Variants in NEBL observed in about 807,000 individuals in gnomAD.
NEBL encodes the protein nebulette, also known as LIM and SH3 protein 2.
A neutral mutation model predicts 140.2 loss-of-function variants in NEBL; 122 were observed. That is an observed-to-expected ratio of 0.87 (90% CI 0.75 to 1.01). NEBL has a LOEUF of 1.01. Among genes scored for constraint, NEBL ranks in the 50% least tolerant of loss-of-function variants. The pLI, the probability that NEBL is intolerant of heterozygous loss-of-function variation, is 0.00. For missense variants in NEBL, 1,365 were observed against 1,231.3 expected (o/e 1.11, Z -1.62); for synonymous variants, 436 against 398.9 (o/e 1.09, Z -1.11).
chr10:20,908,259 T>G (rs1848184624), intron 4 of NEBL, among the ~76,000 whole-genome samples: 1 of 152,254 alleles, frequency 6.6e-6, no homozygotes, highest in Non-Finnish European at 1.5e-5. Flanking sequence ...CCAAATCTGC[T>G]AGGCCATAGG....
chr10:21,191,835 G>A (rs11012570), intron 3 of NEBL, among the ~76,000 whole-genome samples: 16,078 of 152,108 alleles, frequency 0.11, 2,029 homozygotes, highest in African/African-American at 0.3. Flanking sequence ...TTCCCACAAA[G>A]CATTTGATGA....
chr10:21,023,131 A>G (rs930745483), intron 2 of NEBL, among the ~76,000 whole-genome samples: 1 of 152,284 alleles, frequency 6.6e-6, no homozygotes, highest in Non-Finnish European at 1.5e-5. Flanking sequence ...AAGCTATAGT[A>G]ACAACTGAGC....
intron 1 of NEBL, among the ~76,000 whole-genome samples, chr10:21,262,019 C>T (rs1842744527): frequency 6.6e-6 from 1 of 152,134 alleles, no homozygotes; most frequent in Admixed American, 6.5e-5. Context: ...AGCCAAAAGG[C>T]CCCTCTCTTT....
At chr10:20,953,346 G>A (rs1835597935) in intron 4 of NEBL, among the ~76,000 whole-genome samples, 1 of 152,098 alleles carries the variant, frequency 6.6e-6, no homozygotes, top group Non-Finnish European at 1.5e-5. Flanking sequence ...CTGCAAGAAG[G>A]CAAGTGTCTG....
At chr10:21,263,030 A>T (rs1842758762) in intron 1 of NEBL, among the ~76,000 whole-genome samples, 1 of 152,226 alleles carries the variant, frequency 6.6e-6, no homozygotes, top group South Asian at 2.1e-4. Context: ...ATACAGATGT[A>T]TTATCTACTT....
At chr10:21,165,627 A>G (rs974542819) in intron 2 of NEBL, among the ~76,000 whole-genome samples, 1 of 152,156 alleles carries the variant, frequency 6.6e-6, no homozygotes, top group Non-Finnish European at 1.5e-5. Context: ...GACGTGCCCA[A>G]TCTCGTCTAC....
At chr10:20,855,911 C>T (rs908738482) in intron 9 of NEBL, among the ~76,000 whole-genome samples, 4 of 152,132 alleles carry the variant, frequency 2.6e-5, no homozygotes, top group African/African-American at 9.7e-5. Flanking sequence ...CTTATTCAAT[C>T]TTTTAATTTA....
intron 4 of NEBL, among the ~76,000 whole-genome samples, chr10:20,881,530 A>C (rs1846015561): frequency 6.6e-6 from 1 of 152,222 alleles, no homozygotes; most frequent in Non-Finnish European, 1.5e-5. Context: ...AACCAAACTC[A>C]ACCACAAAGT....
intron 3 of NEBL, among the ~76,000 whole-genome samples, chr10:21,209,202 C>T (rs761864575): frequency 1.3e-5 from 2 of 152,130 alleles, no homozygotes; most frequent in East Asian, 1.9e-4. Context: ...CAAGTTTAGT[C>T]GCTTTTTAAA....
intron 3 of NEBL, among the ~76,000 whole-genome samples, chr10:21,000,815 T>C (rs555441117): frequency 1.3e-5 from 2 of 152,046 alleles, no homozygotes; most frequent in Admixed American, 6.5e-5. Context: ...GTCTAAGATA[T>C]GGAAGAAAGC....
In NEBL at chr10:20,826,404, G is replaced by T. The variant is rs554263529; in HGVS notation, c.1869+43C>A. The T allele has an allele frequency of 2.1e-4, 298 of 1,451,168 alleles. 1 individual carries two copies. Among genetic ancestry groups the T allele is most frequent in the Admixed American group, 6.5e-4 (39 of 59,706 alleles). The allele number at this position is 1,451,168 out of a possible 1,614,324, so 89.9% of individuals were successfully genotyped here. ...ACTAAAAACATTTGTCTATAGTTTT[G>T]GTTTGCTTTTAGAAAAGATAATTAA... On this transcript the variant is annotated intron_variant, in intron 18 of 27. Transcript: ENST00000377122.
At chr10:21,126,831 C>G (rs765669416) in intron 2 of NEBL, among the ~76,000 whole-genome samples, 26 of 151,696 alleles carry the variant, frequency 1.7e-4, no homozygotes, top group Non-Finnish European at 3.8e-4. Context: ...GAAAATTAGC[C>G]AGGTATGGTG....
chr10:21,129,947 G>T (rs1300116031), intron 2 of NEBL, among the ~76,000 whole-genome samples: 1 of 151,950 alleles, frequency 6.6e-6, no homozygotes, highest in East Asian at 1.9e-4. Flanking sequence ...CTGAAAGACA[G>T]AAATTTTCAG....
At chr10:20,875,718 TAGCCAGCCAGCCAGCC>T (rs575325601) in intron 5 of NEBL, among the ~76,000 whole-genome samples, 74 of 151,846 alleles carry the variant, frequency 4.9e-4, no homozygotes, top group African/African-American at 1.1e-3. Context: ...GCAGGAGTGA[TAGCCAGCCAGCCAGCC>T]AGCCAGCCAG....
chr10:20,840,230 T>C (rs891744521), intron 13 of NEBL, among the ~76,000 whole-genome samples: 8 of 152,126 alleles, frequency 5.3e-5, no homozygotes, highest in Admixed American at 3.9e-4. Flanking sequence ...AGTAATGACA[T>C]AATACAAGGA....
At chr10:21,177,133 C>T (rs1564537619), upstream of NEBL, among the ~76,000 whole-genome samples, 2 of 152,184 alleles carry the variant, frequency 1.3e-5, no homozygotes, top group Non-Finnish European at 1.5e-5. Context: ...GTGTGACTTC[C>T]TTCGGCCAAT....
At chr10:21,219,308 G>A (rs984448927) in intron 3 of NEBL, among the ~76,000 whole-genome samples, 1 of 152,226 alleles carries the variant, frequency 6.6e-6, no homozygotes, top group African/African-American at 2.4e-5. Context: ...AGTCAGGACT[G>A]ACTTAAAGCC....
intron 4 of NEBL, among the ~76,000 whole-genome samples, chr10:20,885,311 C>A (rs562083832): frequency 7.9e-5 from 12 of 152,110 alleles, no homozygotes; most frequent in Admixed American, 6.6e-5. Context: ...AATCGATGTA[C>A]GTAAATCTAA....
chr10:20,842,759 A>T (rs867471104), intron 12 of NEBL, among the ~76,000 whole-genome samples: 19 of 151,990 alleles, frequency 1.3e-4, no homozygotes, highest in Middle Eastern at 3.2e-3. Context: ...TACTCTTAGC[A>T]ATTTTGAAGT....
Sources: allele counts gnomAD v4.1 joint callset (sites outside exome capture counted in the v4.1 genomes callset), GRCh38; gene constraint gnomAD v4.1.1; transcripts MANE v1.5; gene names NCBI Gene and HGNC (gene_info 2026-07-23, HGNC 2026-07-21).